Variants in CELF2 observed in about 807,000 individuals in gnomAD.
The protein encoded by CELF2 is CUG triplet repeat RNA-binding protein 2.
A neutral mutation model predicts 62.6 loss-of-function variants in CELF2; 8 were observed. The ratio of observed to expected loss-of-function variants is 0.13; its 90% CI spans 0.07 to 0.23. The LOEUF (loss-of-function observed/expected upper bound fraction) is 0.23. Ranked by LOEUF, CELF2 falls within the 10% of genes least tolerant of loss-of-function variation. The pLI is 1.00. For missense variants in CELF2, 333 were observed against 671.0 expected (o/e 0.50, Z 5.56); for synonymous variants, 258 against 250.0 (o/e 1.03, Z -0.30).
chr10:11,212,528 T>A (rs2062123303), intron 2 of CELF2, among the ~76,000 whole-genome samples: 1 of 152,214 alleles, frequency 6.6e-6, no homozygotes, highest in African/African-American at 2.4e-5. Flanking sequence ...CAGCACAGTC[T>A]TTTTGTAGTC....
At position 11,062,939 on chromosome 10, in the gene CELF2, A is replaced by ACC. The variant is rs34216576; in HGVS notation, c.74+44783_74+44784dup. Among the ~76,000 whole-genome samples, 43 of 151,256 alleles carry ACC rather than the reference A, an allele frequency of 2.8e-4. 1 individual carries two copies. The highest frequency in any genetic ancestry group is 8.5e-4 in the African/African-American group (35 of 41,368). ...AGAGATTGCCACATCCTTCAGCAGC[A>ACC]CCCCCCCCGCCATCAGTCAGTAGCC... is the stretch of plus-strand genomic sequence containing the variant. On this transcript the variant is annotated intron_variant, in intron 1 of 12. Transcript: ENST00000633077.
At chr10:11,108,593 T>G (rs987790975) in intron 1 of CELF2, among the ~76,000 whole-genome samples, 3 of 152,190 alleles carry the variant, frequency 2.0e-5, no homozygotes, top group Non-Finnish European at 4.4e-5. Context: ...GGTTCTGTTC[T>G]GAGGCTGCAG....
intron 1 of CELF2, among the ~76,000 whole-genome samples, chr10:11,164,582 A>T (rs1015277892): frequency 1.3e-5 from 2 of 152,020 alleles, no homozygotes; most frequent in Non-Finnish European, 1.5e-5. Flanking sequence ...TGGAAGTCAG[A>T]TATACAGAGA....
At chr10:11,185,760 A>C (rs972540195) in intron 2 of CELF2, among the ~76,000 whole-genome samples, 4 of 152,222 alleles carry the variant, frequency 2.6e-5, no homozygotes, top group African/African-American at 9.6e-5. Context: ...TTTTGTTTAG[A>C]ATTTTTACAT....
intron 5 of CELF2, among the ~76,000 whole-genome samples, chr10:11,264,753 A>G (rs560056592): frequency 1.3e-5 from 2 of 152,338 alleles, no homozygotes; most frequent in South Asian, 4.1e-4. Flanking sequence ...AGAGAAGGCC[A>G]CTAAATTGCT....
the CELF2 span, among the ~76,000 whole-genome samples, chr10:10,662,816 A>C: frequency 6.6e-6 from 1 of 152,240 alleles, no homozygotes; most frequent in South Asian, 2.1e-4. Context: ...ATTGGAGAGC[A>C]CATTAACCAC....
chr10:11,150,659 C>T lies in CELF2; in HGVS notation c.75-14827C>T, dbSNP rs2132649567. Among the ~76,000 whole-genome samples the T allele has an allele frequency of 2.6e-5, 4 of 152,360 alleles. 1 individual carries two copies. The Middle Eastern group carries it at 0.01, about 389-fold the overall frequency. ...CCCATGTCAACCAGCAGGAAGAAAA[C>T]AAAACACCTGGGCAGCCATTTGTTT... On this transcript the variant is annotated intron_variant, in intron 1 of 12. Coordinates refer to ENST00000633077, the MANE Select transcript of CELF2 (RefSeq NM_001326342.2).
chr10:11,022,588 A>G (rs1184385385), intron 1 of CELF2, among the ~76,000 whole-genome samples: 1 of 152,062 alleles, frequency 6.6e-6, no homozygotes, highest in African/African-American at 2.4e-5. Flanking sequence ...GGCCTCTGGT[A>G]AAAGACTGCA....
chr10:10,463,259 A>G, the CELF2 span, among the ~76,000 whole-genome samples: 1 of 152,182 alleles, frequency 6.6e-6, no homozygotes, highest in Non-Finnish European at 1.5e-5. Context: ...AAATTCAACA[A>G]GTATTTCTGT....
At chr10:11,109,154 T>C (rs2054452919) in intron 1 of CELF2, among the ~76,000 whole-genome samples, 1 of 152,220 alleles carries the variant, frequency 6.6e-6, no homozygotes, top group Non-Finnish European at 1.5e-5. Flanking sequence ...GGAGGGATTT[T>C]TGTGTTTCTG....
rs1403052004 is a variant in CELF2 at position 11,318,471 on chromosome 10, A to G, written c.1097-2718A>G. On this transcript the variant is annotated intron_variant, in intron 10 of 12. Transcript: ENST00000633077. This position sits in a 1 kb window ranked among gnomAD's most constrained non-coding sequence, Gnocchi z 5.4. ...ACAGGGCTGGCCACAGCTGTCTCCT[A>G]CATGCACAGCACCAGCAGAAGTAAA... 3.0e-6 allele frequency: 1 copy of G among 338,874 alleles called. No homozygotes were observed. Among genetic ancestry groups the G allele is most frequent in the Non-Finnish European group, 5.8e-6 (1 of 173,354 alleles). The allele number at this position is 338,874 out of a possible 1,614,324, so 21.0% of individuals were successfully genotyped here.
chr10:11,258,168 G>C (rs923952352), intron 5 of CELF2, among the ~76,000 whole-genome samples: 1 of 152,200 alleles, frequency 6.6e-6, no homozygotes, highest in African/African-American at 2.4e-5. Flanking sequence ...TGGATTTGGT[G>C]GGGGGAGGTG....
intron 2 of CELF2, chr10:10,935,098 A>C (rs2066485115): frequency 6.6e-6 from 1 of 152,172 alleles, no homozygotes; most frequent in Non-Finnish European, 1.5e-5. Flanking sequence ...AATTTGGTGC[A>C]CGACACTGTT....
At chr10:10,547,692 A>AGT in the CELF2 span, among the ~76,000 whole-genome samples, 9,605 of 137,950 alleles carry the variant, frequency 0.07, 390 homozygotes, top group South Asian at 0.11. Flanking sequence ...AGAGAGAGAG[A>AGT]GTGTGTGTGT....
chr10:10,874,300 T>C (rs1232686366), intron 1 of CELF2, among the ~76,000 whole-genome samples: 1 of 152,136 alleles, frequency 6.6e-6, no homozygotes, highest in Non-Finnish European at 1.5e-5. Flanking sequence ...CCTGAGTGAC[T>C]TGAGTAGTGA....
At chr10:10,796,393 T>G (rs2054141244), upstream of CELF2, among the ~76,000 whole-genome samples, 1 of 152,240 alleles carries the variant, frequency 6.6e-6, no homozygotes, top group South Asian at 2.1e-4. Context: ...AGATTTTATT[T>G]GAAGGAACAT....
chr10:11,280,494 G>T lies in CELF2; in HGVS notation c.841+5374G>T, dbSNP rs2088010995. On this transcript the variant is annotated intron_variant, in intron 8 of 12. Coordinates refer to ENST00000633077, the MANE Select transcript of CELF2 (RefSeq NM_001326342.2). This position sits in a 1 kb window ranked among gnomAD's most constrained non-coding sequence, Gnocchi z 7.6. Reference sequence around the variant, plus strand: ...CGTTCCGGGTGATGGCGCTGTGGCTGTGGATCCATCTGTGGTGGGAGGAGC... The same window carrying T: ...CGTTCCGGGTGATGGCGCTGTGGCTTTGGATCCATCTGTGGTGGGAGGAGC... Among the ~76,000 whole-genome samples, 2 of 152,242 alleles carry T rather than the reference G, an allele frequency of 1.3e-5. No homozygotes were observed. Among genetic ancestry groups the T allele is most frequent in the South Asian group, 4.1e-4 (2 of 4,834 alleles).
At chr10:10,913,965 G>C (rs372386156) in intron 1 of CELF2, among the ~76,000 whole-genome samples, 38 of 150,382 alleles carry the variant, frequency 2.5e-4, no homozygotes, top group African/African-American at 8.8e-4. Flanking sequence ...AGGAAAAAGG[G>C]AAAGGAAGGA....
chr10:10,600,854 T>C, the CELF2 span, among the ~76,000 whole-genome samples: 2 of 152,214 alleles, frequency 1.3e-5, no homozygotes, highest in African/African-American at 2.4e-5. Context: ...TATTCAACCC[T>C]GTGAAATAGG....
Sources: allele counts gnomAD v4.1 joint callset (sites outside exome capture counted in the v4.1 genomes callset), GRCh38; gene constraint gnomAD v4.1.1; non-coding constraint Gnocchi (gnomAD v3.1); transcripts MANE v1.5; gene names NCBI Gene and HGNC (gene_info 2026-07-23, HGNC 2026-07-21).